PCDHGA6: variants seen among roughly 807,000 people sequenced by gnomAD.
PCDHGA6 encodes protocadherin gamma-A6.
A neutral mutation model predicts 60.6 loss-of-function variants in PCDHGA6; 41 were observed. The observed-to-expected ratio is 0.68, with a 90% confidence interval of 0.53 to 0.88. PCDHGA6 has a LOEUF of 0.88. Ranked by LOEUF, PCDHGA6 falls within the 40% of genes least tolerant of loss-of-function variation. PCDHGA6 has a pLI of 0.00. For missense variants in PCDHGA6, 1,312 were observed against 1,203.0 expected, an observed-to-expected ratio of 1.09 and a Z score of -1.34; for synonymous variants, 594 against 524.4, an observed-to-expected ratio of 1.13 and a Z score of -1.81.
At chr5:141,384,149 T>A in intron 1 of PCDHGA6, 1 of 1,613,370 alleles carries the variant, frequency 6.2e-7, no homozygotes, top group Non-Finnish European at 8.5e-7. Flanking sequence ...ACACTCTCTT[T>A]GTATAACATC....
chr5:141,383,228 T>C (rs1778950138), intron 1 of PCDHGA6: 1 of 1,613,936 alleles, frequency 6.2e-7, no homozygotes, highest in Non-Finnish European at 8.5e-7. Context: ...AACATCCTGA[T>C]GGAAGATAAA....
chr5:141,415,766 TTTTTTTACTTTC>T, intron 1 of PCDHGA6: 1 of 1,295,032 alleles, frequency 7.7e-7, no homozygotes, highest in Admixed American at 3.5e-5. Flanking sequence ...TTTTTTTTTT[TTTTTTTACTTTC>T]TGGTAAAATT....
At chr5:141,484,943 C>T (rs542244720) in intron 1 of PCDHGA6, 14 of 546,098 alleles carry the variant, frequency 2.6e-5, no homozygotes, top group African/African-American at 2.3e-4. Flanking sequence ...GTTCTCTGCT[C>T]AGCCTATTGG....
rs773014837 is a variant in PCDHGA6 at position 141,374,968 on chromosome 5, T to G, written c.885T>G (p.Asn295Lys). 114 of 1,614,056 alleles carry G rather than the reference T, an allele frequency of 7.1e-5. No individual in the cohort carries two copies. The highest frequency in any genetic ancestry group is 3.3e-4 in the Middle Eastern group (2 of 6,062). The change falls in exon 1 of 4, where the codon AAT (asparagine) becomes AAG (lysine). Residue 295 changes from asparagine to lysine, a missense_variant. Transcript: ENST00000517434. ...TEKISQIFCL[N>K]VLTGEISTSA... ...AGATCTCACAAATTTTCTGTTTGAA[T>G]GTTTTGACTGGAGAAATTTCAACTT... is the stretch of plus-strand genomic sequence containing the variant.
intron 1 of PCDHGA6, chr5:141,428,502 G>T: frequency 7.1e-6 from 2 of 282,686 alleles, no homozygotes; most frequent in Non-Finnish European, 6.9e-6. Flanking sequence ...ATGTTCCCTC[G>T]GATTCTAGAA....
rs759160174 is a variant in PCDHGA6, at chr5:141,385,062, G to T, written c.2424+8555G>T. 2.1e-5 allele frequency: 34 copies of T among 1,614,044 alleles called. No homozygotes were observed. In the South Asian group the frequency reaches 3.4e-4, roughly 16 times the overall value. On this transcript the variant is annotated intron_variant, in intron 1 of 3. Transcript: ENST00000517434. ...CGCTCAGGCTGCGGCGCTGGCACAA[G>T]TCACGCCTGCTGCAGGCTTCAGAAG... is the stretch of plus-strand genomic sequence containing the variant.
intron 1 of PCDHGA6, chr5:141,414,274 G>C: frequency 1.9e-6 from 3 of 1,613,368 alleles, no homozygotes; most frequent in Non-Finnish European, 2.5e-6. Flanking sequence ...TTCACCTCTG[G>C]GAACAGTCGT....
In PCDHGA6 at chr5:141,431,024, A is replaced by G; in HGVS notation, c.2424+54517A>G. ...CAGCGGCAGCTTGGTCACGGCGGGCAGGATAGACCGGGAGGAGCTCTGTAT... is the reference window on the plus strand; with the variant it reads ...CAGCGGCAGCTTGGTCACGGCGGGCGGGATAGACCGGGAGGAGCTCTGTAT... On this transcript the variant is annotated intron_variant, in intron 1 of 3. Transcript: ENST00000517434. The surrounding 1 kb of genome is among the most constrained non-coding windows in gnomAD (Gnocchi z 4.8). 2.5e-6 allele frequency: 4 copies of G among 1,614,024 alleles called. No homozygotes were observed. The highest frequency in any genetic ancestry group is 3.4e-6 in the Non-Finnish European group (4 of 1,179,926).
At position 141,408,301 on chromosome 5, in the gene PCDHGA6, C is replaced by T. The variant is rs1472435921; in HGVS notation, c.2424+31794C>T. 3.1e-6 allele frequency: 5 copies of T among 1,613,756 alleles called. No individual in the cohort carries two copies. In the Admixed American group the frequency reaches 8.3e-5, roughly 27 times the overall value. ...TCTACCCCACCCTGAGTGAGCCGAT[C>T]CGCTACTCGATTCCGGAGGAGCTGG... On this transcript the variant is annotated intron_variant, in intron 1 of 3. Transcript: ENST00000517434.
chr5:141,418,578 CAGTGTT>C, intron 1 of PCDHGA6: 1 of 1,614,040 alleles, frequency 6.2e-7, no homozygotes, highest in African/African-American at 1.3e-5. Flanking sequence ...GACAACCCCC[CAGTGTT>C]CAGCCAGGAC....
At chr5:141,381,396 T>C (rs890483811) in intron 1 of PCDHGA6, among the ~76,000 whole-genome samples, 2 of 152,262 alleles carry the variant, frequency 1.3e-5, no homozygotes, top group African/African-American at 4.8e-5. Context: ...AGTTTTACTC[T>C]ATCAACATCA....
chr5:141,422,472 G>A lies in PCDHGA6; in HGVS notation c.2424+45965G>A, dbSNP rs772474296. On this transcript the variant is annotated intron_variant, in intron 1 of 3. Transcript: ENST00000517434. ...CAAGCAGAGTGCTGGACAGGGAGTTGGTCCAGAGCTACAATATAACGTTGA... is the reference window on the plus strand; with the variant it reads ...CAAGCAGAGTGCTGGACAGGGAGTTAGTCCAGAGCTACAATATAACGTTGA... 75 of 1,613,562 alleles carry A rather than the reference G, an allele frequency of 4.6e-5. 3 individuals are homozygous for A. In the South Asian group the frequency reaches 8.1e-4, roughly 17 times the overall value.
At chr5:141,413,650 C>T (rs1384444202) in intron 1 of PCDHGA6, 2 of 1,613,714 alleles carry the variant, frequency 1.2e-6, no homozygotes, top group Non-Finnish European at 1.7e-6. Flanking sequence ...TTTTCCTCTC[C>T]CGGAAGCTAT....
At position 141,512,350 on chromosome 5, in the gene PCDHGA6, G is replaced by C. The variant is rs1406428686; in HGVS notation, c.*1177G>C. ...CCATTCTTAGTCCCTGGGTTGGGGA[G>C]GCAGGGAGCTAGGGCAGGGACCAAA... is the stretch of plus-strand genomic sequence containing the variant. On this transcript the variant is annotated 3_prime_UTR_variant, in exon 4 of 4. Transcript: ENST00000517434. The C allele has an allele frequency of 6.5e-6, 1 of 152,906 alleles. No homozygotes were observed. The highest frequency in any genetic ancestry group is 1.9e-4 in the East Asian group (1 of 5,208). 9.5% of individuals were successfully genotyped at this position (152,906 alleles called of 1,614,324 possible).
chr5:141,403,512 A>G (rs751429629), intron 1 of PCDHGA6: 2 of 1,614,020 alleles, frequency 1.2e-6, no homozygotes, highest in Non-Finnish European at 1.7e-6. Context: ...ACTGGAGACA[A>G]TGGAGCCATA....
At chr5:141,406,173 T>C (rs1317526026) in intron 1 of PCDHGA6, among the ~76,000 whole-genome samples, 2 of 151,712 alleles carry the variant, frequency 1.3e-5, no homozygotes, top group African/African-American at 4.8e-5. Context: ...CCTGGGCTTA[T>C]GCAATCCTCC....
chr5:141,394,472 G>C, intron 1 of PCDHGA6: 2 of 1,614,242 alleles, frequency 1.2e-6, no homozygotes, highest in East Asian at 2.2e-5. Flanking sequence ...TGTTCGTGCT[G>C]GACCAGAATG....
chr5:141,479,845 A>T (rs895639749), intron 1 of PCDHGA6, among the ~76,000 whole-genome samples: 4 of 152,210 alleles, frequency 2.6e-5, no homozygotes, highest in Admixed American at 1.3e-4. Flanking sequence ...ATGCAAGGTG[A>T]CTGCAAGGCC....
Position 141,389,845 on chromosome 5 carries a change from C to A in PCDHGA6, c.2424+13338C>A, listed in dbSNP as rs572208776. 5.0e-5 allele frequency: 80 copies of A among 1,614,054 alleles called. No homozygotes were observed. In the Admixed American group the frequency reaches 1.3e-3, roughly 27 times the overall value. On this transcript the variant is annotated intron_variant, in intron 1 of 3. Transcript: ENST00000517434. ...GACGGTGGACAGCCACCACTCTCGG[C>A]CACTGCCACGTTGCACCTGGTCTTC...
Sources: gnomAD v4.1 joint callset for allele counts (sites outside exome capture counted in the v4.1 genomes callset) on GRCh38, gnomAD v4.1.1 for gene constraint, Gnocchi (gnomAD v3.1) non-coding constraint, MANE v1.5 for transcripts, NCBI Gene and HGNC (gene_info 2026-07-23, HGNC 2026-07-21) for gene names.